Variants in E2F6 observed in about 807,000 individuals in gnomAD.
E2F6 encodes transcription factor E2F6.
E2F6 carries 19 observed loss-of-function variants against 31.5 expected under a neutral mutation model. The observed-to-expected ratio is 0.60, with a 90% CI of 0.42 to 0.89. The LOEUF (loss-of-function observed/expected upper bound fraction) is 0.89, where lower values mean the gene tolerates loss of function less well. Ranked by LOEUF, E2F6 falls within the 40% of genes least tolerant of loss-of-function variation. E2F6 has a pLI of 0.00. For synonymous variants in E2F6, 121 were observed against 127.7 expected (o/e 0.95, Z 0.36); for missense variants, 269 against 341.6 (o/e 0.79, Z 1.67).
Position 11,464,627 on chromosome 2 carries a change from A to C in E2F6, c.108+1145T>G, listed in dbSNP as rs190232811. Among the ~76,000 whole-genome samples the C allele has an allele frequency of 3.3e-3, 504 of 152,022 alleles. 7 individuals are homozygous for C. Among genetic ancestry groups the C allele is most frequent in the African/African-American group, 0.012 (479 of 41,422 alleles). On this transcript the variant is annotated intron_variant, in intron 1 of 6. Coordinates refer to ENST00000381525, the MANE Select transcript of E2F6 (RefSeq NM_198256.4). ...TCTTTTAAGATGGGGATGGATTTAG[A>C]ATGCGGTTTTAGTAGTCAAGAATTT...
In E2F6 at chr2:11,466,118, C is replaced by G. The variant is rs1672200348; in HGVS notation, c.-239G>C. 2 of 478,950 alleles carry G rather than the reference C, an allele frequency of 4.2e-6. No individual in the cohort carries two copies. The highest frequency in any genetic ancestry group is 4.1e-5 in the Admixed American group (1 of 24,368). The allele number at this position is 478,950 out of a possible 1,614,324, so 29.7% of individuals were successfully genotyped here. On this transcript the variant is annotated 5_prime_UTR_variant, in exon 1 of 7. Coordinates refer to ENST00000381525, the MANE Select transcript of E2F6 (RefSeq NM_198256.4). ...AAAAAGAGGAGGGAGACCCGCGGAT[C>G]TCAAGTCGCCCGGCCCGCCATCTTC...
At position 11,466,055 on chromosome 2, in the gene E2F6, C is replaced by G; in HGVS notation, c.-176G>C. On this transcript the variant is annotated 5_prime_UTR_variant, in exon 1 of 7. Coordinates refer to ENST00000381525, the MANE Select transcript of E2F6 (RefSeq NM_198256.4). ...CCGTCCCGCCCGCCAGTAAACGCGG[C>G]ACGGCCTCACGTGCCCGGGAGCTCC... 1.8e-6 allele frequency: 1 copy of G among 546,020 alleles called. No homozygotes were observed. Among genetic ancestry groups the G allele is most frequent in the Non-Finnish European group, 3.1e-6 (1 of 318,704 alleles). The allele number at this position is 546,020 out of a possible 1,614,324, so 33.8% of individuals were successfully genotyped here.
intron 1 of E2F6, among the ~76,000 whole-genome samples, chr2:11,460,873 A>G (rs1671733010): frequency 6.6e-6 from 1 of 152,200 alleles, no homozygotes; most frequent in African/African-American, 2.4e-5. Context: ...TGATGGCTAC[A>G]ATGTCACCAG....
chr2:11,460,578 G>C (rs1671713433), intron 1 of E2F6, among the ~76,000 whole-genome samples: 1 of 152,148 alleles, frequency 6.6e-6, no homozygotes, highest in Non-Finnish European at 1.5e-5. Flanking sequence ...CCAAAATCAT[G>C]AGCCAATTTC....
At chr2:11,452,735 G>A (rs1671150209) in intron 3 of E2F6, among the ~76,000 whole-genome samples, 1 of 151,948 alleles carries the variant, frequency 6.6e-6, no homozygotes, top group South Asian at 2.1e-4. Context: ...AAAGGTCCTT[G>A]CCTTTATCTT....
At chr2:11,449,325 T>C (rs1433546832) in intron 5 of E2F6, among the ~76,000 whole-genome samples, 4 of 152,118 alleles carry the variant, frequency 2.6e-5, no homozygotes, top group Non-Finnish European at 4.4e-5. Flanking sequence ...TATTCTTCGC[T>C]AGGCAGGAGG....
At chr2:11,464,784 G>A (rs1014135840) in intron 1 of E2F6, among the ~76,000 whole-genome samples, 15 of 152,092 alleles carry the variant, frequency 9.9e-5, no homozygotes, top group African/African-American at 3.4e-4. Context: ...TAATCTTTTA[G>A]TATTATAAAA....
intron 1 of E2F6, among the ~76,000 whole-genome samples, chr2:11,463,521 T>C (rs986566427): frequency 1.3e-5 from 2 of 152,216 alleles, no homozygotes; most frequent in African/African-American, 4.8e-5. Context: ...TATTCAGATT[T>C]TGAATTTCAT....
rs753044171 is a variant in E2F6, at chr2:11,446,474, C to A, written c.*3G>T. The A allele has an allele frequency of 6.2e-7, 1 of 1,606,934 alleles. No individual in the cohort carries two copies. Among genetic ancestry groups the A allele is most frequent in the South Asian group, 1.1e-5 (1 of 89,850 alleles). On this transcript the variant is annotated 3_prime_UTR_variant, in exon 7 of 7. Coordinates refer to ENST00000381525, the MANE Select transcript of E2F6 (RefSeq NM_198256.4). The stretch of plus-strand genomic sequence containing the variant: ...TCAGTGATACATAAATTCTCAAATG[C>A]CATCAGTTGCTTACTTCAAGCAATT...
chr2:11,448,036 G>T (rs944443454), intron 5 of E2F6, among the ~76,000 whole-genome samples: 17 of 152,108 alleles, frequency 1.1e-4, no homozygotes, highest in Non-Finnish European at 2.5e-4. Context: ...CCGTATTTCA[G>T]TCAAAAATCA....
chr2:11,451,364 TTTTGAGACGGAG>T, intron 4 of E2F6: 2 of 172,260 alleles, frequency 1.2e-5, no homozygotes, highest in Non-Finnish European at 2.4e-5. Context: ...TTTTTTTTTT[TTTTGAGACGGAG>T]TTTCGCTCCT....
At chr2:11,458,079 A>G (rs184341887) in intron 1 of E2F6, among the ~76,000 whole-genome samples, 1 of 152,322 alleles carries the variant, frequency 6.6e-6, no homozygotes, top group Admixed American at 6.5e-5. Context: ...ATAAAATGAA[A>G]CCAAACCTTA....
intron 1 of E2F6, among the ~76,000 whole-genome samples, chr2:11,460,823 C>T (rs1671730606): frequency 6.6e-6 from 1 of 152,154 alleles, no homozygotes; most frequent in South Asian, 2.1e-4. Context: ...ATTTGTGCAT[C>T]TAAACATAGA....
At chr2:11,464,683 A>G in intron 1 of E2F6, among the ~76,000 whole-genome samples, 1 of 152,076 alleles carries the variant, frequency 6.6e-6, no homozygotes, top group South Asian at 2.1e-4. Context: ...TGGAGCTTCA[A>G]CCCAAGTTTC....
At chr2:11,465,178 C>CAAAAAAAAAA (rs59561027) in intron 1 of E2F6, among the ~76,000 whole-genome samples, 11 of 88,496 alleles carry the variant, frequency 1.2e-4, no homozygotes, top group East Asian at 3.6e-4. Flanking sequence ...AACTCAATCT[C>CAAAAAAAAAA]AAAAAAAAAA....
rs13397790 is a variant in E2F6 at position 11,460,436 on chromosome 2, T to C, written c.109-3203A>G. ...GTCCTTGGACAACAACTTCAGATTC[T>C]CTGGCCTTTGGACTCTAGGAGTTAC... On this transcript the variant is annotated intron_variant, in intron 1 of 6. Coordinates refer to ENST00000381525, the MANE Select transcript of E2F6 (RefSeq NM_198256.4). 8.4e-3 allele frequency among the ~76,000 whole-genome samples: 1,281 copies of C among 152,332 alleles called. 22 individuals carry two copies. The highest frequency in any genetic ancestry group is 0.029 in the African/African-American group (1,221 of 41,572).
chr2:11,455,040 G>GT (rs1389396619), intron 2 of E2F6, among the ~76,000 whole-genome samples: 10 of 152,128 alleles, frequency 6.6e-5, no homozygotes, highest in African/African-American at 2.4e-4. Flanking sequence ...CGAAACTACT[G>GT]TATGTCCCCT....
chr2:11,464,517 C>CAA lies in E2F6; in HGVS notation c.108+1253_108+1254dup, dbSNP rs559562627. ...GGGTGACAGAGCAAGACTTCGTCAC[C>CAA]AAAAAAAAAAAAAAAAAAAAAAAGT... On this transcript the variant is annotated intron_variant, in intron 1 of 6. Coordinates refer to ENST00000381525, the MANE Select transcript of E2F6 (RefSeq NM_198256.4). Among the ~76,000 whole-genome samples, 310 of 44,506 alleles carry CAA rather than the reference C, an allele frequency of 7.0e-3. 14 individuals carry two copies. The highest frequency in any genetic ancestry group is 0.024 in the African/African-American group (238 of 9,954). The allele number at this position is 44,506 out of a possible 152,430, so 29.2% of individuals were successfully genotyped here.
intron 1 of E2F6, among the ~76,000 whole-genome samples, chr2:11,458,503 A>T (rs141938573): frequency 0.01 from 1,550 of 152,378 alleles, 4 homozygotes; most frequent in Middle Eastern, 0.031. Flanking sequence ...TGCTGGCACC[A>T]CATAAAACTA....
Sources: allele counts gnomAD v4.1 joint callset (sites outside exome capture counted in the v4.1 genomes callset), GRCh38; gene constraint gnomAD v4.1.1; transcripts MANE v1.5; gene names NCBI Gene and HGNC (gene_info 2026-07-23, HGNC 2026-07-21).